STARD13: variants seen among roughly 807,000 people sequenced by gnomAD.
STARD13 encodes stAR-related lipid transfer protein 13.
In STARD13, 62 loss-of-function variants were observed where a neutral mutation model predicts 106.4. That is an observed-to-expected ratio of 0.58 (90% CI 0.48 to 0.72). The LOEUF (loss-of-function observed/expected upper bound fraction) is 0.72, where lower values mean the gene tolerates loss of function less well. Among genes scored for constraint, STARD13 ranks in the 30% least tolerant of loss-of-function variants. The probability of loss-of-function intolerance (pLI) is 0.00; values close to 1 mark genes in which losing one functional copy is unlikely to be tolerated. For missense variants in STARD13, 1,387 were observed against 1,424.0 expected (o/e 0.97, Z 0.42); for synonymous variants, 565 against 553.0 (o/e 1.02, Z -0.31).
chr13:33,288,345 A>T (rs1594222953), upstream of STARD13, among the ~76,000 whole-genome samples: 1 of 151,820 alleles, frequency 6.6e-6, no homozygotes, highest in African/African-American at 2.4e-5. Context: ...ATCATAGTTC[A>T]CTGTAGTCTC....
chr13:33,270,857 T>A (rs1891126869), intron 1 of STARD13, among the ~76,000 whole-genome samples: 1 of 152,148 alleles, frequency 6.6e-6, no homozygotes, highest in South Asian at 2.1e-4. Flanking sequence ...ATAGTAAAGG[T>A]TGTCTCTGGA....
chr13:33,174,895 C>CA (rs1479859265), intron 1 of STARD13, among the ~76,000 whole-genome samples: 1 of 152,062 alleles, frequency 6.6e-6, no homozygotes, highest in Non-Finnish European at 1.5e-5. Flanking sequence ...ATATGAATTC[C>CA]AAAAAATGTT....
At chr13:33,629,182 C>T in the STARD13 span, among the ~76,000 whole-genome samples, 76 of 152,286 alleles carry the variant, frequency 5.0e-4, no homozygotes, top group African/African-American at 1.8e-3. Flanking sequence ...GGCCAAACGC[C>T]ATAGGAAAGC....
chr13:33,294,526 C>A (rs1220573003), intron 1 of STARD13, among the ~76,000 whole-genome samples: 1 of 152,202 alleles, frequency 6.6e-6, no homozygotes, highest in Non-Finnish European at 1.5e-5. Context: ...GGGTTATCAA[C>A]CATCTCTGTT....
chr13:33,526,445 A>G, the STARD13 span, among the ~76,000 whole-genome samples: 614 of 152,242 alleles, frequency 4.0e-3, 4 homozygotes, highest in African/African-American at 0.014. Context: ...CACTCAATAC[A>G]TATTTGTTAA....
chr13:33,515,945 A>G, the STARD13 span, among the ~76,000 whole-genome samples: 11 of 151,972 alleles, frequency 7.2e-5, no homozygotes, highest in Non-Finnish European at 1.6e-4. Context: ...ATTCTCTGTG[A>G]TGATGGATTT....
chr13:33,600,624 G>T, the STARD13 span, among the ~76,000 whole-genome samples: 1 of 152,070 alleles, frequency 6.6e-6, no homozygotes, highest in African/African-American at 2.4e-5. Context: ...TAATATTTCT[G>T]CAGGTTTAAT....
chr13:33,211,086 T>G (rs916350211), intron 1 of STARD13, among the ~76,000 whole-genome samples: 4 of 152,084 alleles, frequency 2.6e-5, no homozygotes, highest in African/African-American at 9.7e-5. Context: ...TAGGACAGGA[T>G]CATTCCTTTT....
chr13:33,442,294 A>G, the STARD13 span, among the ~76,000 whole-genome samples: 2 of 152,236 alleles, frequency 1.3e-5, no homozygotes, highest in African/African-American at 2.4e-5. Flanking sequence ...AAAACACAGA[A>G]GTATGCTTTC....
the STARD13 span, among the ~76,000 whole-genome samples, chr13:33,534,820 T>C: frequency 6.6e-6 from 1 of 152,328 alleles, no homozygotes; most frequent in East Asian, 1.9e-4. Context: ...TCCAAACTAT[T>C]CATGACAAAT....
At chr13:33,335,556 G>T (rs1367527852) in intron 1 of STARD13, among the ~76,000 whole-genome samples, 1 of 152,236 alleles carries the variant, frequency 6.6e-6, no homozygotes, top group Non-Finnish European at 1.5e-5. Context: ...GTGGGTATGT[G>T]CCTTGCACAC....
intron 1 of STARD13, among the ~76,000 whole-genome samples, chr13:33,263,083 T>A (rs1890729124): frequency 6.6e-6 from 1 of 152,162 alleles, no homozygotes; most frequent in Non-Finnish European, 1.5e-5. Flanking sequence ...TGAACCCCAG[T>A]TTCCTCATTT....
chr13:33,200,335 G>A (rs185319911), intron 1 of STARD13, among the ~76,000 whole-genome samples: 38 of 152,286 alleles, frequency 2.5e-4, no homozygotes, highest in Admixed American at 6.5e-4. Flanking sequence ...TCGTCCCTGT[G>A]CCACCCACCA....
At chr13:33,214,705 C>T (rs1354556822) in intron 1 of STARD13, among the ~76,000 whole-genome samples, 2 of 108,606 alleles carry the variant, frequency 1.8e-5, no homozygotes, top group African/African-American at 7.8e-5. Flanking sequence ...CACATACACA[C>T]ACACACACAC....
the STARD13 span, among the ~76,000 whole-genome samples, chr13:33,505,091 TG>T: frequency 6.6e-6 from 1 of 152,308 alleles, no homozygotes; most frequent in African/African-American, 2.4e-5. Flanking sequence ...CCGTGCTTGT[TG>T]CTCTTGTAAG....
the STARD13 span, among the ~76,000 whole-genome samples, chr13:33,621,443 C>T: frequency 6.0e-4 from 91 of 152,004 alleles, no homozygotes; most frequent in Non-Finnish European, 1.0e-3. Context: ...TTTGGGAGGC[C>T]GAGGTGGGCA....
the STARD13 span, among the ~76,000 whole-genome samples, chr13:33,416,487 G>A: frequency 8.5e-5 from 13 of 152,322 alleles, no homozygotes; most frequent in Admixed American, 8.5e-4. Flanking sequence ...TGTAGTTGGT[G>A]AGGATGTAGT....
intron 4 of STARD13, among the ~76,000 whole-genome samples, chr13:33,135,042 T>C (rs1878869922): frequency 6.6e-6 from 1 of 152,224 alleles, no homozygotes; most frequent in African/African-American, 2.4e-5. Context: ...TGGTCACATA[T>C]ATCAGGAACA....
At chr13:33,253,601 A>C (rs1383657604) in intron 1 of STARD13, among the ~76,000 whole-genome samples, 5 of 152,116 alleles carry the variant, frequency 3.3e-5, no homozygotes, top group African/African-American at 1.2e-4. Flanking sequence ...GTGAAGGCCG[A>C]GGCTGCCGGT....
Sources: allele counts gnomAD v4.1 joint callset (sites outside exome capture counted in the v4.1 genomes callset), GRCh38; gene constraint gnomAD v4.1.1; transcripts MANE v1.5; gene names NCBI Gene and HGNC (gene_info 2026-07-23, HGNC 2026-07-21).